Variants in ST3GAL3 observed in about 807,000 individuals in gnomAD.
ST3GAL3 encodes CMP-N-acetylneuraminate-beta-1,4-galactoside alpha-2,3-sialyltransferase.
A neutral mutation model predicts 50.1 loss-of-function variants in ST3GAL3; 21 were observed. That is an observed-to-expected ratio of 0.42 (90% CI 0.30 to 0.60). The LOEUF (loss-of-function observed/expected upper bound fraction) is 0.60, where lower values mean the gene tolerates loss of function less well. ST3GAL3 is among the 20% of genes least tolerant of loss of function. The pLI, the probability that ST3GAL3 is intolerant of heterozygous loss-of-function variation, is 0.19. For missense variants in ST3GAL3, 353 were observed against 489.4 expected, an observed-to-expected ratio of 0.72 and a Z score of 2.63; for synonymous variants, 183 against 190.0, an observed-to-expected ratio of 0.96 and a Z score of 0.30.
chr1:43,885,570 T>C (rs1412357403), intron 5 of ST3GAL3, among the ~76,000 whole-genome samples: 1 of 152,118 alleles, frequency 6.6e-6, no homozygotes, highest in Non-Finnish European at 1.5e-5. Flanking sequence ...AGTCATTCTA[T>C]ACCTTAAGGG....
intron 1 of ST3GAL3, chr1:43,708,095 T>A (rs1055768234): frequency 6.6e-6 from 1 of 152,344 alleles, no homozygotes. Flanking sequence ...GGGTAGCGGT[T>A]GTCATTGCTT....
chr1:43,744,119 T>G (rs1458555940), intron 2 of ST3GAL3, among the ~76,000 whole-genome samples: 1 of 152,196 alleles, frequency 6.6e-6, no homozygotes, highest in Non-Finnish European at 1.5e-5. Context: ...AATTTTAATG[T>G]TTTTTATTTA....
chr1:43,799,135 A>C (rs541564612), intron 3 of ST3GAL3, among the ~76,000 whole-genome samples: 50 of 152,340 alleles, frequency 3.3e-4, no homozygotes, highest in Middle Eastern at 6.8e-3. Flanking sequence ...TATTTATGGA[A>C]AGAGATTTCT....
intron 11 of ST3GAL3, among the ~76,000 whole-genome samples, chr1:43,926,381 G>A (rs1235301530): frequency 2.0e-5 from 3 of 152,206 alleles, no homozygotes; most frequent in Admixed American, 6.5e-5. Context: ...CTGAGGTCGG[G>A]AGTTCCGAGA....
At chr1:43,781,339 G>C (rs555957037) in intron 2 of ST3GAL3, among the ~76,000 whole-genome samples, 2 of 152,128 alleles carry the variant, frequency 1.3e-5, no homozygotes, top group Non-Finnish European at 2.9e-5. Context: ...AGGCACAGTG[G>C]CTCATGCCTG....
At chr1:43,732,302 G>T (rs1469560850) in intron 1 of ST3GAL3, among the ~76,000 whole-genome samples, 6 of 152,186 alleles carry the variant, frequency 3.9e-5, no homozygotes, top group Non-Finnish European at 8.8e-5. Context: ...ACACTGCCAG[G>T]AGATCTGAGG....
chr1:43,848,379 C>T (rs1349939785), intron 5 of ST3GAL3, among the ~76,000 whole-genome samples: 1 of 129,532 alleles, frequency 7.7e-6, no homozygotes, highest in Admixed American at 9.5e-5. Context: ...GATCTTGGTT[C>T]ACTGCAACCT....
intron 5 of ST3GAL3, among the ~76,000 whole-genome samples, chr1:43,883,542 C>T (rs568112210): frequency 1.3e-5 from 2 of 152,372 alleles, no homozygotes; most frequent in South Asian, 4.1e-4. Flanking sequence ...CCCTGCAGTG[C>T]TGATGCACGC....
chr1:43,751,771 A>C (rs1686201862), intron 2 of ST3GAL3, among the ~76,000 whole-genome samples: 1 of 152,078 alleles, frequency 6.6e-6, no homozygotes, highest in African/African-American at 2.4e-5. Context: ...TCCTACTCTC[A>C]TGGTCGTTAT....
intron 4 of ST3GAL3, among the ~76,000 whole-genome samples, chr1:43,834,243 C>CAATAAAAAAAAAAAATT (rs2063952916): frequency 6.6e-6 from 1 of 152,214 alleles, no homozygotes; most frequent in Non-Finnish European, 1.5e-5. Flanking sequence ...TTTATTCTAA[C>CAATAAAAAAAAAAAATT]CAGCTTGTAA....
At chr1:43,894,509 C>T in intron 6 of ST3GAL3, 32 bp downstream of exon 6, 1 of 1,584,812 alleles carries the variant, frequency 6.3e-7, no homozygotes, top group Non-Finnish European at 8.7e-7. Flanking sequence ...ACATTAACAT[C>T]TCATCCCCCC....
intron 4 of ST3GAL3, among the ~76,000 whole-genome samples, chr1:43,832,135 T>C (rs1160451697): frequency 6.6e-6 from 1 of 152,222 alleles, no homozygotes; most frequent in Non-Finnish European, 1.5e-5. Flanking sequence ...GTGAAAATTG[T>C]CTGTTGAAGC....
chr1:43,750,257 A>T (rs1334274628), intron 2 of ST3GAL3, among the ~76,000 whole-genome samples: 2 of 152,246 alleles, frequency 1.3e-5, no homozygotes, highest in African/African-American at 4.8e-5. Flanking sequence ...CACTGTGGAA[A>T]ACAATTTGGC....
chr1:43,759,371 G>A (rs867049960), intron 2 of ST3GAL3, among the ~76,000 whole-genome samples: 6 of 152,312 alleles, frequency 3.9e-5, no homozygotes, highest in Middle Eastern at 3.4e-3. Flanking sequence ...TTGAACCTGG[G>A]AGGTGGAGAT....
At chr1:43,720,222 C>T (rs1254055702) in intron 1 of ST3GAL3, among the ~76,000 whole-genome samples, 1 of 152,140 alleles carries the variant, frequency 6.6e-6, no homozygotes, top group Non-Finnish European at 1.5e-5. Flanking sequence ...GAGTGATACC[C>T]TGTCTCTTAA....
At chr1:43,886,022 G>T (rs2075926523) in intron 5 of ST3GAL3, among the ~76,000 whole-genome samples, 1 of 152,250 alleles carries the variant, frequency 6.6e-6, no homozygotes, top group East Asian at 1.9e-4. Context: ...GGTGATTGTA[G>T]TTAACAGTAA....
chr1:43,820,017 A>C (rs934564206), intron 4 of ST3GAL3, among the ~76,000 whole-genome samples: 1 of 152,240 alleles, frequency 6.6e-6, no homozygotes, highest in Non-Finnish European at 1.5e-5. Context: ...AATTCTAAGC[A>C]AAAAGAACAG....
intron 2 of ST3GAL3, among the ~76,000 whole-genome samples, chr1:43,781,926 A>T (rs917388337): frequency 6.6e-6 from 1 of 152,182 alleles, no homozygotes; most frequent in African/African-American, 2.4e-5. Context: ...TACTTCATTA[A>T]GTCAAACTGC....
intron 2 of ST3GAL3, 68 bp downstream of exon 2, chr1:43,736,448 G>A: frequency 1.2e-6 from 2 of 1,613,858 alleles, no homozygotes; most frequent in Non-Finnish European, 1.7e-6. Context: ...TTTTTCGTGT[G>A]GCTGCGTCTC....
Sources: gnomAD v4.1 joint callset for allele counts (sites outside exome capture counted in the v4.1 genomes callset) on GRCh38, gnomAD v4.1.1 for gene constraint, MANE v1.5 for transcripts, NCBI Gene and HGNC (gene_info 2026-07-23, HGNC 2026-07-21) for gene names.